DIAPH2: variants seen among roughly 807,000 people sequenced by gnomAD.
The protein encoded by DIAPH2 is diaphanous related formin 2.
A neutral mutation model predicts 92.7 loss-of-function variants in DIAPH2; 35 were observed. That is an observed-to-expected ratio of 0.38 (90% CI 0.29 to 0.50). The LOEUF (loss-of-function observed/expected upper bound fraction) is 0.50. Among genes scored for constraint, DIAPH2 ranks in the 20% least tolerant of loss-of-function variants. The pLI is 0.94. For synonymous variants in DIAPH2, 301 were observed against 280.4 expected, an observed-to-expected ratio of 1.07 and a Z score of -0.73; for missense variants, 701 against 819.5, an observed-to-expected ratio of 0.86 and a Z score of 1.77.
In DIAPH2 at chrX:97,395,012, A is replaced by G. The variant is rs139434975; in HGVS notation, c.3145+10968A>G. ...GAGGACAGAGAAAACAACAGCATCA[A>G]CCTCGTAGGATTTTCATAAGAAGTA... On this transcript the variant is annotated intron_variant, in intron 25 of 26. Coordinates refer to ENST00000324765, the MANE Select transcript of DIAPH2 (RefSeq NM_006729.5). Among the ~76,000 whole-genome samples, 334 of 111,560 alleles carry G rather than the reference A, an allele frequency of 3.0e-3. 1 individual carries two copies. The highest frequency in any genetic ancestry group is 8.9e-3 in the African/African-American group (273 of 30,762).
chrX:97,425,207 T>A (rs969636152), intron 25 of DIAPH2, among the ~76,000 whole-genome samples: 1 of 111,474 alleles, frequency 9.0e-6, no homozygotes, highest in Admixed American at 9.6e-5. Context: ...TTCCCTGTCT[T>A]CTTTGCAATT....
At chrX:97,479,168 A>T (rs2070632469) in intron 26 of DIAPH2, among the ~76,000 whole-genome samples, 1 of 111,041 alleles carries the variant, frequency 9.0e-6, no homozygotes, top group Admixed American at 9.6e-5. Context: ...TATCTATAGC[A>T]AATCTGTAAC....
chrX:96,729,505 C>G (rs2064041636), intron 1 of DIAPH2, among the ~76,000 whole-genome samples: 1 of 111,470 alleles, frequency 9.0e-6, no homozygotes, highest in South Asian at 3.8e-4. Context: ...CTATAGTCAC[C>G]CCTCCTGGCA....
chrX:97,149,497 C>T (rs991391606), intron 22 of DIAPH2, among the ~76,000 whole-genome samples: 3 of 109,769 alleles, frequency 2.7e-5, no homozygotes, highest in Admixed American at 9.8e-5. Flanking sequence ...TTTGGGAGGC[C>T]GAGATGGGCG....
At chrX:97,123,966 A>G (rs1382149824) in intron 21 of DIAPH2, among the ~76,000 whole-genome samples, 1 of 112,291 alleles carries the variant, frequency 8.9e-6, no homozygotes, top group Admixed American at 9.4e-5. Flanking sequence ...TGAAGGTAAT[A>G]TGTGTCTCTG....
At chrX:97,074,233 C>T (rs2066689301) in intron 18 of DIAPH2, among the ~76,000 whole-genome samples, 1 of 110,672 alleles carries the variant, frequency 9.0e-6, no homozygotes, top group Admixed American at 9.6e-5. Context: ...ATGGTGAAAC[C>T]CCGCCTCTAC....
chrX:96,925,829 A>G (rs2065577496), intron 9 of DIAPH2, among the ~76,000 whole-genome samples: 2 of 111,351 alleles, frequency 1.8e-5, no homozygotes, highest in Non-Finnish European at 3.8e-5. Flanking sequence ...TTTGTTTCCT[A>G]TAGATTTTAT....
chrX:97,508,963 C>CA (rs1257865972), intron 26 of DIAPH2, among the ~76,000 whole-genome samples: 1 of 104,980 alleles, frequency 9.5e-6, no homozygotes, highest in African/African-American at 3.5e-5. Flanking sequence ...ATAACAACAA[C>CA]AACAAAAAAA....
chrX:96,913,437 T>G (rs1028535556), intron 7 of DIAPH2, among the ~76,000 whole-genome samples: 4 of 111,966 alleles, frequency 3.6e-5, no homozygotes, highest in African/African-American at 9.7e-5. Context: ...TTATAATATT[T>G]AAGTAATACT....
chrX:96,830,183 ATAAAGT>A (rs1314912240), intron 4 of DIAPH2, among the ~76,000 whole-genome samples: 1 of 112,021 alleles, frequency 8.9e-6, no homozygotes, highest in African/African-American at 3.2e-5. Context: ...TAAAAGGATC[ATAAAGT>A]TAAATATTAC....
At chrX:96,854,709 T>G (rs1477895433) in intron 4 of DIAPH2, among the ~76,000 whole-genome samples, 2 of 98,144 alleles carry the variant, frequency 2.0e-5, no homozygotes, top group African/African-American at 7.4e-5. Context: ...GTGGATACAC[T>G]GGACAAAGAG....
Position 96,882,976 on chromosome X carries a change from A to AAAAAAC in DIAPH2, c.587+1263_587+1264insCAAAAA, listed in dbSNP as rs2065227505. On this transcript the variant is annotated intron_variant, in intron 5 of 26. Transcript: ENST00000324765. The stretch of plus-strand genomic sequence containing the variant: ...CCTGTCTCCAAAAAAAAAAAAAAAA[A>AAAAAAC]AAAAAAACAAAAAAACAAAAATCCG... 1.5e-4 allele frequency among the ~76,000 whole-genome samples: 8 copies of AAAAAAC among 52,022 alleles called. No individual in the cohort carries two copies. In the East Asian group the frequency reaches 2.7e-3, roughly 17 times the overall value. 45.2% of individuals were successfully genotyped at this position (52,022 alleles called of 115,157 possible).
intron 26 of DIAPH2, among the ~76,000 whole-genome samples, chrX:97,432,767 G>A (rs750871152): frequency 1.8e-5 from 2 of 110,968 alleles, no homozygotes; most frequent in Admixed American, 1.9e-4. Flanking sequence ...GATTACAGGC[G>A]TGAGCCACCA....
chrX:96,697,307 A>G (rs2063830320), intron 1 of DIAPH2, among the ~76,000 whole-genome samples: 2 of 108,827 alleles, frequency 1.8e-5, no homozygotes, highest in South Asian at 4.1e-4. Flanking sequence ...CTCCAAGCAG[A>G]TGAGTAACTG....
At chrX:97,412,829 A>G (rs1378009129) in intron 25 of DIAPH2, among the ~76,000 whole-genome samples, 2 of 112,223 alleles carry the variant, frequency 1.8e-5, no homozygotes, top group Non-Finnish European at 3.8e-5. Context: ...TCCTGGACAC[A>G]TACACCATCC....
intron 3 of DIAPH2, among the ~76,000 whole-genome samples, chrX:96,743,551 T>C (rs2064132105): frequency 8.9e-6 from 1 of 111,952 alleles, no homozygotes; most frequent in Admixed American, 9.5e-5. Context: ...CTCATTGGTG[T>C]CTTAATTTGC....
chrX:96,821,044 A>G (rs1301883143), intron 4 of DIAPH2, among the ~76,000 whole-genome samples: 1 of 111,455 alleles, frequency 9.0e-6, no homozygotes, highest in Non-Finnish European at 1.9e-5. Context: ...AACAATAAGA[A>G]AGCCAGTTTG....
chrX:96,820,157 G>A (rs2064767949), intron 4 of DIAPH2, among the ~76,000 whole-genome samples: 2 of 112,100 alleles, frequency 1.8e-5, no homozygotes, highest in South Asian at 7.4e-4. Flanking sequence ...AGTGAGAAAA[G>A]GCTGATAAGA....
At chrX:96,777,519 G>T (rs2064384984) in intron 4 of DIAPH2, among the ~76,000 whole-genome samples, 1 of 110,799 alleles carries the variant, frequency 9.0e-6, no homozygotes, top group South Asian at 3.8e-4. Context: ...GGATGGGGGG[G>T]TTCTATTGAA....
Sources: allele counts gnomAD v4.1 joint callset (sites outside exome capture counted in the v4.1 genomes callset), GRCh38; gene constraint gnomAD v4.1.1; transcripts MANE v1.5; gene names NCBI Gene and HGNC (gene_info 2026-07-23, HGNC 2026-07-21).